ALPK2: variants seen among roughly 807,000 people sequenced by gnomAD.
ALPK2 encodes the protein alpha-protein kinase 2.
Under a neutral mutation model 163.1 loss-of-function variants are expected in ALPK2, and 127 were observed. The ratio of observed to expected loss-of-function variants is 0.78; its 90% CI spans 0.67 to 0.90. ALPK2 has a LOEUF of 0.90. ALPK2 is among the 40% of genes least tolerant of loss of function. ALPK2 has a pLI of 0.00. For synonymous variants in ALPK2, 953 were observed against 959.1 expected, an observed-to-expected ratio of 0.99 and a Z score of 0.12; for missense variants, 2,360 against 2,589.6, an observed-to-expected ratio of 0.91 and a Z score of 1.92.
At chr18:58,522,350 G>A (rs1251677296) in intron 8 of ALPK2, among the ~76,000 whole-genome samples, 3 of 152,168 alleles carry the variant, frequency 2.0e-5, no homozygotes, top group African/African-American at 7.2e-5. Context: ...CCCTCAGCAT[G>A]TTGTTAAATA....
At chr18:58,533,604 G>A (rs990581347) in intron 5 of ALPK2, among the ~76,000 whole-genome samples, 1 of 151,794 alleles carries the variant, frequency 6.6e-6, no homozygotes, top group Non-Finnish European at 1.5e-5. Flanking sequence ...ACAGACGTGC[G>A]CCACCATACC....
chr18:58,537,111 A>AC lies in ALPK2; in HGVS notation c.3075dup (p.Ser1026ValfsTer4). Reference sequence around the variant, plus strand: ...CCTGCATGCTTGTCCTCAGGAATTGACACAGCAAGGTATTTGGCTGGGTGG... The same window carrying AC: ...CCTGCATGCTTGTCCTCAGGAATTGACCACAGCAAGGTATTTGGCTGGGTGG... On this transcript the variant is annotated frameshift_variant, in exon 5 of 13. Coordinates refer to ENST00000361673, the MANE Select transcript of ALPK2 (RefSeq NM_052947.4). LOFTEE classifies it high-confidence loss of function. 1 of 1,614,148 alleles carries AC rather than the reference A, an allele frequency of 6.2e-7. No individual in the cohort carries two copies. The highest frequency in any genetic ancestry group is 8.5e-7 in the Non-Finnish European group (1 of 1,179,980).
chr18:58,534,940 T>C lies in ALPK2; in HGVS notation c.5247A>G (p.Arg1749=). The change falls in exon 5 of 13, where the codon AGA becomes AGG. Residue 1749 remains arginine (R), a synonymous_variant. Transcript: ENST00000361673. ...TCTTTTTAAGAAAGGCTGAGTTCTT[T>C]CTGATATTTTCCTTTTCTTCCAGTT... The part of the protein sequence containing the change: ...RLKLEEKENI[R]KNSAFLKKMP... 6.2e-7 allele frequency: 1 copy of C among 1,614,182 alleles called. No individual in the cohort carries two copies. The highest frequency in any genetic ancestry group is 8.5e-7 in the Non-Finnish European group (1 of 1,180,022).
chr18:58,535,236 T>C lies in ALPK2; in HGVS notation c.4951A>G (p.Lys1651Glu). ...KPPSSSSSSA[K>E]TLAFISGERE... is the part of the protein sequence containing the mutation. Reference sequence around the variant, plus strand: ...TCTCCTGAAATAAATGCCAAGGTCTTCGCTGAGGAGCTAGATGAGCTTGGG... The same window carrying C: ...TCTCCTGAAATAAATGCCAAGGTCTCCGCTGAGGAGCTAGATGAGCTTGGG... The change falls in exon 5 of 13, where the codon AAG becomes GAG. Residue 1651 changes from lysine (K) to glutamate (E), a missense_variant. By Grantham distance (56) the Lys-to-Glu change is moderately conservative. Transcript: ENST00000361673. 1 of 1,614,170 alleles carries C rather than the reference T, an allele frequency of 6.2e-7. No homozygotes were observed. Among genetic ancestry groups the C allele is most frequent in the Non-Finnish European group, 8.5e-7 (1 of 1,180,002 alleles).
chr18:58,611,056 TG>T (rs2052127280), intron 2 of ALPK2, among the ~76,000 whole-genome samples: 1 of 150,216 alleles, frequency 6.7e-6, no homozygotes, highest in African/African-American at 2.5e-5. Context: ...ATCGTGCCAT[TG>T]CACTCCAGCC....
At chr18:58,593,863 GC>G (rs2144212517) in intron 3 of ALPK2, among the ~76,000 whole-genome samples, 2 of 148,710 alleles carry the variant, frequency 1.3e-5, no homozygotes, top group African/African-American at 5.0e-5. Context: ...GGGCAACAGA[GC>G]AAAAACTCCA....
chr18:58,553,593 T>TG (rs2144167143), intron 4 of ALPK2, among the ~76,000 whole-genome samples: 1 of 152,296 alleles, frequency 6.6e-6, no homozygotes, highest in South Asian at 2.1e-4. Flanking sequence ...AATTGAACAA[T>TG]GGGGGCGGTT....
At chr18:58,540,870 T>G (rs974718753) in intron 4 of ALPK2, among the ~76,000 whole-genome samples, 1 of 152,208 alleles carries the variant, frequency 6.6e-6, no homozygotes, top group Non-Finnish European at 1.5e-5. Context: ...TGATATTTAC[T>G]GGGATGGTAC....
chr18:58,609,243 T>C (rs947792052), intron 2 of ALPK2, among the ~76,000 whole-genome samples: 15 of 152,310 alleles, frequency 9.8e-5, no homozygotes, highest in African/African-American at 3.4e-4. Context: ...TTGGAACAGA[T>C]AGACCTGCAT....
At chr18:58,580,658 G>A in intron 3 of ALPK2, 110 bp from the exon 4 acceptor site, 1 of 1,049,046 alleles carries the variant, frequency 9.5e-7, no homozygotes, top group Non-Finnish European at 1.4e-6. Context: ...GCATGTTCAA[G>A]GAGATCTGTG....
At chr18:58,526,682 CAG>C (rs2051586700) in intron 6 of ALPK2, among the ~76,000 whole-genome samples, 1 of 152,244 alleles carries the variant, frequency 6.6e-6, no homozygotes, top group Non-Finnish European at 1.5e-5. Context: ...CACTGCTACA[CAG>C]AGACTCAAAC....
At chr18:58,494,363 C>T (rs903411440) in intron 12 of ALPK2, among the ~76,000 whole-genome samples, 6 of 152,142 alleles carry the variant, frequency 3.9e-5, no homozygotes, top group African/African-American at 1.2e-4. Flanking sequence ...ATATGACATA[C>T]TCCTGTTAAA....
chr18:58,611,562 A>T (rs1442079044), intron 2 of ALPK2, 127 bp downstream of exon 2: 28 of 815,426 alleles, frequency 3.4e-5, no homozygotes, highest in Non-Finnish European at 5.1e-5. Context: ...TGCTTCATTG[A>T]TTACACAGAA....
chr18:58,513,824 T>C (rs1399372643), intron 10 of ALPK2, among the ~76,000 whole-genome samples: 1 of 152,094 alleles, frequency 6.6e-6, no homozygotes, highest in Non-Finnish European at 1.5e-5. Flanking sequence ...TGAGCCGTGA[T>C]TGCACCACTG....
intron 12 of ALPK2, among the ~76,000 whole-genome samples, chr18:58,488,486 AAC>A (rs1438532910): frequency 6.7e-6 from 1 of 148,288 alleles, no homozygotes; most frequent in African/African-American, 2.5e-5. Context: ...ATTGGCTCCA[AAC>A]ACACCTGGAG....
chr18:58,626,275 C>A (rs1292419006), intron 1 of ALPK2, among the ~76,000 whole-genome samples: 1 of 152,172 alleles, frequency 6.6e-6, no homozygotes, highest in Non-Finnish European at 1.5e-5. Flanking sequence ...CCTCCCATCC[C>A]TGCCTGGCCT....
At chr18:58,527,051 A>G (rs2051588416) in intron 6 of ALPK2, among the ~76,000 whole-genome samples, 1 of 151,240 alleles carries the variant, frequency 6.6e-6, no homozygotes, top group South Asian at 2.1e-4. Flanking sequence ...CCTTTGCCTG[A>G]TGGACTATCT....
Position 58,536,031 on chromosome 18 carries a change from T to C in ALPK2, c.4156A>G (p.Thr1386Ala). The C allele has an allele frequency of 6.2e-7, 1 of 1,614,188 alleles. No individual in the cohort carries two copies. The highest frequency in any genetic ancestry group is 8.5e-7 in the Non-Finnish European group (1 of 1,180,020). ...QEEKQLKMDH[T>A]AFFKKFLTCP... ...GTCAGAAACTTTTTAAAGAAGGCAG[T>C]GTGATCCATCTTGAGTTGTTTTTCC... The change falls in exon 5 of 13, where the codon ACT becomes GCT. Residue 1386 changes from threonine (T) to alanine (A), a missense_variant. By Grantham distance (58) the Thr-to-Ala change is moderately conservative. Coordinates refer to ENST00000361673, the MANE Select transcript of ALPK2 (RefSeq NM_052947.4).
intron 3 of ALPK2, among the ~76,000 whole-genome samples, chr18:58,601,808 C>G (rs1472804252): frequency 6.6e-6 from 1 of 152,192 alleles, no homozygotes; most frequent in Admixed American, 6.5e-5. Flanking sequence ...AGCCCACAGA[C>G]CCATGATAAC....
Sources: allele counts gnomAD v4.1 joint callset (sites outside exome capture counted in the v4.1 genomes callset), GRCh38; gene constraint gnomAD v4.1.1; transcripts MANE v1.5; gene names NCBI Gene and HGNC (gene_info 2026-07-23, HGNC 2026-07-21).